The following DGKB variants were observed in gnomAD, a reference collection of about 807,000 sequenced individuals.
The protein encoded by DGKB is 90 kDa diacylglycerol kinase.
In DGKB, 67 loss-of-function variants were observed where a neutral mutation model predicts 114.3. The ratio of observed to expected loss-of-function variants is 0.59; its 90% confidence interval spans 0.48 to 0.72. The LOEUF (loss-of-function observed/expected upper bound fraction) is 0.72, where lower values mean the gene tolerates loss of function less well. Ranked by LOEUF, DGKB falls within the 30% of genes least tolerant of loss-of-function variation. The pLI, the probability that DGKB is intolerant of heterozygous loss-of-function variation, is 0.00. For missense variants in DGKB, 907 were observed against 975.2 expected (o/e 0.93, Z 0.93); for synonymous variants, 398 against 323.1 (o/e 1.23, Z -2.49).
chr7:14,638,323 T>C (rs1398865777), intron 13 of DGKB, among the ~76,000 whole-genome samples: 4 of 152,180 alleles, frequency 2.6e-5, no homozygotes, highest in African/African-American at 9.7e-5. Flanking sequence ...CATTTCCTCA[T>C]CATCACACAC....
At chr7:14,747,775 G>GCGCGCACACACACA in intron 4 of DGKB, among the ~76,000 whole-genome samples, 1 of 149,178 alleles carries the variant, frequency 6.7e-6, no homozygotes, top group African/African-American at 2.5e-5. Flanking sequence ...ACATCCACGC[G>GCGCGCACACACACA]CACGCACACA....
At chr7:14,687,080 G>T (rs970317443) in intron 9 of DGKB, among the ~76,000 whole-genome samples, 7 of 152,228 alleles carry the variant, frequency 4.6e-5, no homozygotes, top group African/African-American at 1.4e-4. Flanking sequence ...TCCAAAACGT[G>T]ATGCTGTGCA....
intron 21 of DGKB, among the ~76,000 whole-genome samples, chr7:14,437,946 G>A (rs1829523320): frequency 6.6e-6 from 1 of 151,568 alleles, no homozygotes; most frequent in African/African-American, 2.4e-5. Flanking sequence ...GCATAGGATA[G>A]ATAAAATTAC....
chr7:14,894,992 A>G (rs1781882135), intron 1 of DGKB, among the ~76,000 whole-genome samples: 1 of 151,604 alleles, frequency 6.6e-6, no homozygotes, highest in Non-Finnish European at 1.5e-5. Context: ...CAGAATTCTC[A>G]TGAAGAACAA....
At chr7:14,663,636 C>CCCTTCCTA (rs1554583458) in intron 13 of DGKB, among the ~76,000 whole-genome samples, 15 of 145,110 alleles carry the variant, frequency 1.0e-4, no homozygotes, top group African/African-American at 3.8e-4. Flanking sequence ...CTCCCTTCCT[C>CCCTTCCTA]CCTTCCTTCC....
chr7:14,561,394 A>G (rs1453512552), intron 20 of DGKB, among the ~76,000 whole-genome samples: 3 of 152,190 alleles, frequency 2.0e-5, no homozygotes, highest in Non-Finnish European at 4.4e-5. Flanking sequence ...AAACAGATGA[A>G]TACAGTAAAT....
At chr7:14,427,999 C>T (rs1827835067) in intron 21 of DGKB, among the ~76,000 whole-genome samples, 3 of 152,088 alleles carry the variant, frequency 2.0e-5, no homozygotes, top group African/African-American at 7.2e-5. Context: ...TCTACCAGCA[C>T]ATCAATTTTC....
intron 1 of DGKB, among the ~76,000 whole-genome samples, chr7:14,969,550 A>C (rs1043111824): frequency 6.6e-6 from 1 of 152,116 alleles, no homozygotes; most frequent in African/African-American, 2.4e-5. Flanking sequence ...CCTGAGTTCC[A>C]CCTTCTGTCA....
At chr7:14,543,443 T>TA (rs760949623) in intron 20 of DGKB, among the ~76,000 whole-genome samples, 95 of 151,158 alleles carry the variant, frequency 6.3e-4, no homozygotes, top group Non-Finnish European at 1.0e-3. Flanking sequence ...ACACCCCATC[T>TA]CAAAAAAAAC....
chr7:14,550,206 C>T lies in DGKB; in HGVS notation c.1770+24006G>A, dbSNP rs546046707. ...CTATTATATTCAATTTGCTGCTTAA[C>T]ATACAACTTATTTATCATTCATTAG... On this transcript the variant is annotated intron_variant, in intron 20 of 25. Coordinates refer to ENST00000402815, the MANE Select transcript of DGKB (RefSeq NM_001350709.2). Among the ~76,000 whole-genome samples, 7 of 152,226 alleles carry T rather than the reference C, an allele frequency of 4.6e-5. No individual in the cohort carries two copies. The South Asian group carries it at 1.5e-3, about 32-fold the overall frequency.
rs1046187599 is a variant in DGKB at position 14,146,572 on chromosome 7, T to C, written c.*2559A>G. ...TTCCTTAAACTATATATTTTTCATA[T>C]GAAGCTGTCATAAAACTGATGAGAA... On this transcript the variant is annotated 3_prime_UTR_variant, in exon 26 of 26. Coordinates refer to ENST00000402815, the MANE Select transcript of DGKB (RefSeq NM_001350709.2). 4 of 152,328 alleles carry C rather than the reference T, an allele frequency of 2.6e-5. No homozygotes were observed. The highest frequency in any genetic ancestry group is 2.1e-4 in the South Asian group (1 of 4,828). 9.4% of individuals were successfully genotyped at this position (152,328 alleles called of 1,614,324 possible).
chr7:14,835,459 T>C (rs1847020175), intron 2 of DGKB, among the ~76,000 whole-genome samples: 1 of 152,192 alleles, frequency 6.6e-6, no homozygotes, highest in Admixed American at 6.5e-5. Context: ...TGACATCAAA[T>C]TATGTGTTCT....
intron 23 of DGKB, among the ~76,000 whole-genome samples, chr7:14,194,074 T>A (rs896492531): frequency 3.9e-5 from 6 of 152,106 alleles, no homozygotes; most frequent in African/African-American, 1.4e-4. Flanking sequence ...TGTGGAGAAA[T>A]GGGAACACTT....
chr7:14,665,947 A>G (rs894381126), intron 13 of DGKB, among the ~76,000 whole-genome samples: 3 of 152,036 alleles, frequency 2.0e-5, no homozygotes, highest in African/African-American at 7.2e-5. Flanking sequence ...AAATTTATGT[A>G]CTACCCAAAA....
In DGKB at chr7:14,784,509, G is replaced by A. The variant is rs535460741; in HGVS notation, c.71-26778C>T. Among the ~76,000 whole-genome samples the A allele has an allele frequency of 4.4e-3, 665 of 151,788 alleles. 7 individuals are homozygous for A. The highest frequency in any genetic ancestry group is 0.015 in the African/African-American group (621 of 41,374). ...TCCCACCTCAGCCTCCCCAGTAGCTGGGTATAGGTGCACACCACCATGCCC... is the reference window on the plus strand; with the variant it reads ...TCCCACCTCAGCCTCCCCAGTAGCTAGGTATAGGTGCACACCACCATGCCC... On this transcript the variant is annotated intron_variant, in intron 2 of 25. Transcript: ENST00000402815.
intron 17 of DGKB, among the ~76,000 whole-genome samples, chr7:14,597,316 T>C (rs1007184374): frequency 5.3e-5 from 8 of 152,160 alleles, no homozygotes; most frequent in African/African-American, 9.7e-5. Flanking sequence ...AAGTAAATAA[T>C]GTAATTGGAG....
At chr7:14,653,195 C>T (rs1184742635) in intron 13 of DGKB, among the ~76,000 whole-genome samples, 1 of 148,976 alleles carries the variant, frequency 6.7e-6, no homozygotes, top group Non-Finnish European at 1.5e-5. Flanking sequence ...GCTATAAAGA[C>T]ACATGCACAC....
intron 1 of DGKB, among the ~76,000 whole-genome samples, chr7:14,946,511 A>G (rs1052456542): frequency 6.6e-6 from 1 of 151,804 alleles, no homozygotes; most frequent in Non-Finnish European, 1.5e-5. Flanking sequence ...AAAATCTACA[A>G]TAAGATATTT....
chr7:14,595,750 T>C (rs1802474848), intron 17 of DGKB, among the ~76,000 whole-genome samples: 1 of 151,988 alleles, frequency 6.6e-6, no homozygotes, highest in African/African-American at 2.4e-5. Flanking sequence ...TACATTTTTA[T>C]ATGGTAATTT....
Sources: gnomAD v4.1 joint callset for allele counts (sites outside exome capture counted in the v4.1 genomes callset) on GRCh38, gnomAD v4.1.1 for gene constraint, MANE v1.5 for transcripts, NCBI Gene and HGNC (gene_info 2026-07-23, HGNC 2026-07-21) for gene names.